The following KLRG1 variants were observed in gnomAD, a reference collection of about 807,000 sequenced individuals.
The protein encoded by KLRG1 is killer cell lectin like receptor G1, also known as killer cell lectin-like receptor subfamily G member 1.
In KLRG1, 16 loss-of-function variants were observed where a neutral mutation model predicts 21.8. The ratio of observed to expected loss-of-function variants is 0.73; its 90% CI spans 0.50 to 1.11. KLRG1 has a LOEUF of 1.11. Among genes scored for constraint, KLRG1 ranks in the 50% most tolerant of loss-of-function variants. KLRG1 has a pLI of 0.00. For synonymous variants in KLRG1, 69 were observed against 75.9 expected (o/e 0.91, Z 0.47); for missense variants, 173 against 218.3 (o/e 0.79, Z 1.31).
chr12:9,166,934 T>C, the KLRG1 span: 81 of 152,344 alleles, frequency 5.3e-4, no homozygotes, highest in African/African-American at 1.9e-3. Context: ...TCTCCCTCCA[T>C]GTATCCCATC....
the KLRG1 span, chr12:9,068,899 T>G: frequency 7.9e-6 from 10 of 1,267,976 alleles, no homozygotes; most frequent in African/African-American, 1.5e-5. Context: ...TCTCTTTGAA[T>G]TAGTTTAAGT....
chr12:9,104,367 G>T, the KLRG1 span: 1 of 1,599,448 alleles, frequency 6.3e-7, no homozygotes, highest in South Asian at 1.1e-5. Flanking sequence ...ACTTTATTTG[G>T]TATAGGGACG....
intron 1 of KLRG1, among the ~76,000 whole-genome samples, chr12:8,954,032 T>G (rs1946247971): frequency 6.6e-6 from 1 of 152,104 alleles, no homozygotes; most frequent in Non-Finnish European, 1.5e-5. Flanking sequence ...TGGGAGCCTT[T>G]TAGTGGTGCC....
the KLRG1 span, among the ~76,000 whole-genome samples, chr12:9,065,610 C>T: frequency 1.1e-4 from 16 of 152,296 alleles, no homozygotes; most frequent in East Asian, 3.9e-4. Context: ...GACTTGCAGG[C>T]GCTCCTTGGC....
the KLRG1 span, among the ~76,000 whole-genome samples, chr12:9,122,235 T>G: frequency 6.6e-6 from 1 of 152,234 alleles, no homozygotes; most frequent in Non-Finnish European, 1.5e-5. Flanking sequence ...GGGGAAATGT[T>G]ACAGGATTAC....
the KLRG1 span, among the ~76,000 whole-genome samples, chr12:9,096,616 GAAGT>G: frequency 1.3e-5 from 2 of 152,208 alleles, no homozygotes; most frequent in African/African-American, 4.8e-5. Context: ...TTGAAGGTGA[GAAGT>G]AAGACAGACA....
rs1029801290 is a variant in KLRG1 at position 9,010,593 on chromosome 12, T to C, written c.*1056T>C. 2.0e-5 allele frequency: 3 copies of C among 152,300 alleles called. No individual in the cohort carries two copies. Among genetic ancestry groups the C allele is most frequent in the Non-Finnish European group, 4.4e-5 (3 of 68,110 alleles). The allele number at this position is 152,300 out of a possible 1,614,324, so 9.4% of individuals were successfully genotyped here. On this transcript the variant is annotated 3_prime_UTR_variant, in exon 5 of 5. Transcript: ENST00000356986. ...AGTGATGAAGGAGACCATAATTCTG[T>C]AGTGTTGATGATCCTGGATTATAAT...
chr12:8,953,106 A>G (rs79132293), intron 1 of KLRG1, among the ~76,000 whole-genome samples: 2,594 of 149,582 alleles, frequency 0.017, 68 homozygotes, highest in African/African-American at 0.06. Context: ...TATAGTTTGT[A>G]TCTGCATTCG....
At chr12:9,169,133 T>C in the KLRG1 span, among the ~76,000 whole-genome samples, 8 of 151,944 alleles carry the variant, frequency 5.3e-5, no homozygotes, top group African/African-American at 1.7e-4. Context: ...ACTAAACTTA[T>C]GGATTATTAA....
the KLRG1 span, chr12:9,109,448 T>G: frequency 6.8e-7 from 1 of 1,469,918 alleles, no homozygotes; most frequent in Non-Finnish European, 9.5e-7. Context: ...GGTTTTCAAC[T>G]TTGGGGGAAT....
At chr12:9,039,400 A>G in the KLRG1 span, among the ~76,000 whole-genome samples, 2 of 152,268 alleles carry the variant, frequency 1.3e-5, no homozygotes, top group African/African-American at 4.8e-5. Flanking sequence ...TTGTGTACAC[A>G]GAAACTTAGG....
the KLRG1 span, chr12:9,090,538 G>T: frequency 1.9e-6 from 3 of 1,577,054 alleles, no homozygotes; most frequent in South Asian, 3.4e-5. Context: ...AGGGAGAATG[G>T]GTTTGAAGTA....
upstream of KLRG1, among the ~76,000 whole-genome samples, chr12:8,985,240 A>G (rs779911669): frequency 3.5e-5 from 5 of 143,086 alleles, no homozygotes; most frequent in Admixed American, 2.9e-4. Context: ...GTACCACTCA[A>G]TTTAGAATTA....
chr12:8,986,943 C>T (rs1204422302), upstream of KLRG1, among the ~76,000 whole-genome samples: 2 of 152,170 alleles, frequency 1.3e-5, no homozygotes, highest in Non-Finnish European at 2.9e-5. Flanking sequence ...CCATGTAAGA[C>T]ATTTCCCTTT....
chr12:9,060,255 C>T, the KLRG1 span, among the ~76,000 whole-genome samples: 14 of 151,788 alleles, frequency 9.2e-5, no homozygotes, highest in Admixed American at 2.6e-4. Flanking sequence ...ATCTCCTGAC[C>T]TCATGATCTG....
chr12:8,980,600 G>T (rs1946738701), intron 1 of KLRG1, among the ~76,000 whole-genome samples: 1 of 152,196 alleles, frequency 6.6e-6, no homozygotes, highest in South Asian at 2.1e-4. Flanking sequence ...GGCACATATG[G>T]GCACTAGTTC....
the KLRG1 span, among the ~76,000 whole-genome samples, chr12:9,147,912 G>A: frequency 2.5e-4 from 38 of 152,122 alleles, 1 homozygote; most frequent in Admixed American, 8.5e-4. Flanking sequence ...TCCATTAAGA[G>A]GTGACCAGTT....
the KLRG1 span, chr12:9,099,235 A>G: frequency 4.3e-6 from 3 of 701,132 alleles, no homozygotes; most frequent in African/African-American, 5.4e-5. Flanking sequence ...TCTGCTTCTT[A>G]GTGTGACTCT....
In KLRG1 at chr12:9,010,320, A is replaced by C. The variant is rs1947607699; in HGVS notation, c.*783A>C. 3.2e-6 allele frequency: 1 copy of C among 315,676 alleles called. No homozygotes were observed. The highest frequency in any genetic ancestry group is 6.3e-5 in the South Asian group (1 of 15,864). The allele number at this position is 315,676 out of a possible 1,614,324, so 19.6% of individuals were successfully genotyped here. On this transcript the variant is annotated 3_prime_UTR_variant, in exon 5 of 5. Coordinates refer to ENST00000356986, the MANE Select transcript of KLRG1 (RefSeq NM_005810.4). ...CTTAACTGATTTTGTTTTTTTTCTG[A>C]GTATGCATATATGTGGTTGAATGAA...
Sources: allele counts gnomAD v4.1 joint callset (sites outside exome capture counted in the v4.1 genomes callset), GRCh38; gene constraint gnomAD v4.1.1; transcripts MANE v1.5; gene names NCBI Gene and HGNC (gene_info 2026-07-23, HGNC 2026-07-21).